Variants in SLC1A4 observed in about 807,000 individuals in gnomAD.
SLC1A4 encodes the protein solute carrier family 1 member 4, also known as neutral amino acid transporter A.
Under a neutral mutation model 37.7 loss-of-function variants are expected in SLC1A4, and 19 were observed. The observed-to-expected ratio is 0.50, with a 90% CI of 0.35 to 0.74. SLC1A4 has a LOEUF of 0.74. Among genes scored for constraint, SLC1A4 ranks in the 30% least tolerant of loss-of-function variants. The pLI is 0.01. For missense variants in SLC1A4, 570 were observed against 712.9 expected (o/e 0.80, Z 2.28); for synonymous variants, 299 against 309.8 (o/e 0.97, Z 0.37).
At chr2:64,996,113 AT>A (rs3216589) in intron 1 of SLC1A4, among the ~76,000 whole-genome samples, 33,158 of 152,022 alleles carry the variant, frequency 0.22, 4,373 homozygotes, top group East Asian at 0.55. Context: ...TTAGTAGTGT[AT>A]CTTAGAGGTT....
intron 2 of SLC1A4, 37 bp downstream of exon 2, chr2:65,001,527 G>C: frequency 6.3e-7 from 1 of 1,586,218 alleles, no homozygotes; most frequent in African/African-American, 1.3e-5. Context: ...ATGAAACTTT[G>C]ATGGAAGAAA....
chr2:65,003,875 G>C, intron 2 of SLC1A4, 78 bp from the exon 3 acceptor site: 1 of 1,018,748 alleles, frequency 9.8e-7, no homozygotes. Context: ...TACCAAGAGT[G>C]CAGCAGTGCC....
At chr2:65,011,453 A>G (rs1342881947) in intron 4 of SLC1A4, 1 of 148,442 alleles carries the variant, frequency 6.7e-6, no homozygotes, top group Non-Finnish European at 1.5e-5. Context: ...TTTTTAGTAG[A>G]GACGGGGTTT....
intron 4 of SLC1A4, among the ~76,000 whole-genome samples, chr2:65,014,102 A>C (rs1214407547): frequency 6.6e-6 from 1 of 152,190 alleles, no homozygotes; most frequent in Non-Finnish European, 1.5e-5. Flanking sequence ...AGCCTTCCTA[A>C]ACAAGATATA....
At position 65,016,558 on chromosome 2, in the gene SLC1A4, A is replaced by G; in HGVS notation, c.919A>G (p.Ile307Val). 6.2e-7 allele frequency: 1 copy of G among 1,614,046 alleles called. No individual in the cohort carries two copies. Among genetic ancestry groups the G allele is most frequent in the Non-Finnish European group, 8.5e-7 (1 of 1,179,902 alleles). ...CTTCGCATCTATATTGGGCCATGTT[A>G]TTCATGGAGGAATTGTTCTGCCACT... ...YIFASILGHV[I>V]HGGIVLPLIY... Residue 307 changes from isoleucine (I) to valine (V), a missense_variant, in exon 5 of 8, where the codon ATT becomes GTT. By Grantham distance (29) the Ile-to-Val change is conservative. Coordinates refer to ENST00000234256, the MANE Select transcript of SLC1A4 (RefSeq NM_003038.5).
At chr2:64,989,246 CT>C (rs1672937148), upstream of SLC1A4, among the ~76,000 whole-genome samples, 1 of 85,090 alleles carries the variant, frequency 1.2e-5, no homozygotes, top group Non-Finnish European at 2.8e-5. Context: ...GGACCAGAGG[CT>C]CCCGGCGGCG....
chr2:64,998,529 T>C (rs958970786), intron 1 of SLC1A4, among the ~76,000 whole-genome samples: 1 of 152,118 alleles, frequency 6.6e-6, no homozygotes, highest in African/African-American at 2.4e-5. Context: ...AGGAACTTGA[T>C]TTTTGGGGGG....
upstream of SLC1A4, among the ~76,000 whole-genome samples, chr2:64,988,918 TCTC>T (rs1285822149): frequency 2.0e-5 from 3 of 151,526 alleles, no homozygotes; most frequent in East Asian, 3.9e-4. Flanking sequence ...GATCCTCCCC[TCTC>T]CTCCTCTCTT....
chr2:65,017,938 T>C, intron 5 of SLC1A4, 133 bp from the exon 6 acceptor site: 1 of 703,880 alleles, frequency 1.4e-6, no homozygotes, highest in Non-Finnish European at 2.3e-6. Context: ...TTCTGTTTTT[T>C]CCCTTATTTC....
At chr2:65,007,504 C>T (rs953462374) in intron 3 of SLC1A4, among the ~76,000 whole-genome samples, 1 of 152,150 alleles carries the variant, frequency 6.6e-6, no homozygotes, top group African/African-American at 2.4e-5. Flanking sequence ...GCCAGCATAC[C>T]TTGCTCCAAA....
rs1379761274 is a variant in SLC1A4 at position 65,021,405 on chromosome 2, T to C, written c.*259T>C. 4 of 494,294 alleles carry C rather than the reference T, an allele frequency of 8.1e-6. No homozygotes were observed. The highest frequency in any genetic ancestry group is 1.4e-5 in the Non-Finnish European group (4 of 276,088). The allele number at this position is 494,294 out of a possible 1,614,324, so 30.6% of individuals were successfully genotyped here. On this transcript the variant is annotated 3_prime_UTR_variant, in exon 8 of 8. Transcript: ENST00000234256. ...ACTGTGTGTACACCAGGGATCTGTTTGGAAACAACCCCTTGAGCTGCCAGG... is the reference window on the plus strand; with the variant it reads ...ACTGTGTGTACACCAGGGATCTGTTCGGAAACAACCCCTTGAGCTGCCAGG...
At position 64,990,131 on chromosome 2, in the gene SLC1A4, T is replaced by A. The variant is rs767576916; in HGVS notation, c.488T>A (p.Val163Asp). 6.2e-7 allele frequency: 1 copy of A among 1,610,742 alleles called. No individual in the cohort carries two copies. Among genetic ancestry groups the A allele is most frequent in the Admixed American group, 1.7e-5 (1 of 59,770 alleles). The part of the protein sequence containing the change: ...LGLEDSGPPP[V>D]PKETVDSFLD... ...CTGGAGGACTCGGGGCCTCCTCCTG[T>A]CCCCAAAGAGACGGTGGACTCTTTC... Residue 163 changes from valine to aspartate, a missense_variant, in exon 1 of 8, where the codon GTC (valine) becomes GAC (aspartate). Physicochemically the swap from Val to Asp is radical, Grantham distance 152. Transcript: ENST00000234256.
intron 2 of SLC1A4, among the ~76,000 whole-genome samples, chr2:65,003,089 T>G (rs936543827): frequency 6.6e-6 from 1 of 152,222 alleles, no homozygotes; most frequent in African/African-American, 2.4e-5. Flanking sequence ...CTTTTTTTAG[T>G]GCCTGTCACA....
rs1674467043 is a variant in SLC1A4, at chr2:65,022,506, T to G, written c.*1360T>G. 1 of 152,114 alleles carries G rather than the reference T, an allele frequency of 6.6e-6. No individual in the cohort carries two copies. Among genetic ancestry groups the G allele is most frequent in the South Asian group, 2.1e-4 (1 of 4,828 alleles). 9.4% of individuals were successfully genotyped at this position (152,114 alleles called of 1,614,324 possible). A position where few individuals can be genotyped will look rare whatever the true frequency, so the allele number is the denominator to read the frequency against. ...CTGTTAATCTTCGAAAACGACCATT[T>G]CACTTCTTGGATATCAAGTGCTAAC... On this transcript the variant is annotated 3_prime_UTR_variant, in exon 8 of 8. Transcript: ENST00000234256.
At chr2:64,988,942 CTCCCT>C (rs1268706807), upstream of SLC1A4, among the ~76,000 whole-genome samples, 1 of 152,040 alleles carries the variant, frequency 6.6e-6, no homozygotes, top group African/African-American at 2.4e-5. Flanking sequence ...CTCCCCTCCC[CTCCCT>C]CCCCTCCCAC....
chr2:65,002,222 G>A (rs1245296357), intron 2 of SLC1A4, among the ~76,000 whole-genome samples: 2 of 150,998 alleles, frequency 1.3e-5, no homozygotes, highest in African/African-American at 4.9e-5. Flanking sequence ...GGAGGTTGCA[G>A]AGAGCCGAGA....
In SLC1A4 at chr2:65,018,240, A is replaced by G; in HGVS notation, c.1204A>G (p.Asn402Asp). 1 of 1,613,910 alleles carries G rather than the reference A, an allele frequency of 6.2e-7. No individual in the cohort carries two copies. Among genetic ancestry groups the G allele is most frequent in the Non-Finnish European group, 8.5e-7 (1 of 1,179,826 alleles). ...FIAQLNNVEL[N>D]AGQIFTILVT... is the part of the protein sequence containing the mutation. ...TGCGCAACTCAACAACGTAGAGCTC[A>G]ACGCAGGACAGATTTTCACCATTCT... Residue 402 changes from asparagine to aspartate, a missense_variant, in exon 6 of 8, where the codon AAC becomes GAC. Coordinates refer to ENST00000234256, the MANE Select transcript of SLC1A4 (RefSeq NM_003038.5). The surrounding 1 kb of genome is among the most constrained non-coding windows in gnomAD (Gnocchi z 4.3).
intron 3 of SLC1A4, among the ~76,000 whole-genome samples, chr2:65,006,529 G>A (rs1673680889): frequency 6.6e-6 from 1 of 152,084 alleles, no homozygotes; most frequent in African/African-American, 2.4e-5. Context: ...AGAAAGAGGA[G>A]CAGTGTGTCC....
chr2:64,989,349 G>T (rs1170147939), upstream of SLC1A4: 12 of 281,476 alleles, frequency 4.3e-5, no homozygotes, highest in African/African-American at 2.2e-4. Flanking sequence ...CCGCTGGCGC[G>T]CCCTCCTACT....
Sources: allele counts gnomAD v4.1 joint callset (sites outside exome capture counted in the v4.1 genomes callset), GRCh38; gene constraint gnomAD v4.1.1; non-coding constraint Gnocchi (gnomAD v3.1); transcripts MANE v1.5; gene names NCBI Gene and HGNC (gene_info 2026-07-23, HGNC 2026-07-21).